Variants in VPS13B observed in about 807,000 individuals in gnomAD.
VPS13B encodes intermembrane lipid transfer protein VPS13B.
Under a neutral mutation model 426.4 loss-of-function variants are expected in VPS13B, and 285 were observed. The ratio of observed to expected loss-of-function variants is 0.67; its 90% CI spans 0.61 to 0.74. The LOEUF is 0.74. Ranked by LOEUF, VPS13B falls within the 30% of genes least tolerant of loss-of-function variation. VPS13B has a pLI of 0.00. For synonymous variants in VPS13B, 1,676 were observed against 1,676.4 expected (o/e 1.00, Z 0.01); for missense variants, 4,537 against 4,782.6 (o/e 0.95, Z 1.51).
intron 16 of VPS13B, among the ~76,000 whole-genome samples, chr8:99,172,016 T>C (rs1366572519): frequency 6.6e-6 from 1 of 152,178 alleles, no homozygotes; most frequent in Non-Finnish European, 1.5e-5. Context: ...CATGTATCTA[T>C]CACTGCATAC....
intron 23 of VPS13B, among the ~76,000 whole-genome samples, chr8:99,458,709 A>G (rs1818657318): frequency 1.3e-5 from 2 of 152,278 alleles, no homozygotes; most frequent in South Asian, 4.1e-4. Flanking sequence ...TGGCTGCATA[A>G]ATGTCTTCTT....
chr8:99,034,891 G>A (rs1251165814), intron 2 of VPS13B, among the ~76,000 whole-genome samples: 7 of 152,080 alleles, frequency 4.6e-5, no homozygotes, highest in Non-Finnish European at 7.4e-5. Context: ...TAACAAACAT[G>A]TGACATAAAA....
intron 35 of VPS13B, among the ~76,000 whole-genome samples, chr8:99,692,401 G>A (rs1264551621): frequency 2.7e-4 from 38 of 139,188 alleles, no homozygotes; most frequent in African/African-American, 7.3e-4. Context: ...ACTCAAAGCC[G>A]CTCAACTACA....
At chr8:99,733,379 T>C (rs896008) in intron 39 of VPS13B, among the ~76,000 whole-genome samples, 2,967 of 152,314 alleles carry the variant, frequency 0.019, 104 homozygotes, top group African/African-American at 0.068. Context: ...GCAAGTTATG[T>C]AAAGTAACTT....
rs780314338 is a variant in VPS13B at position 99,641,874 on chromosome 8, C to T, written c.5284C>T (p.Arg1762Cys). The change falls in exon 34 of 62, where the codon CGC (arginine) becomes TGC (cysteine). Residue 1762 changes from arginine (R) to cysteine (C), a missense_variant. Physicochemically the swap from Arg to Cys is radical, Grantham distance 180 (BLOSUM62 -3). Coordinates refer to ENST00000357162, the MANE Select transcript of VPS13B (RefSeq NM_152564.5). Reference protein sequence around the residue: ...FDGGMAETSSRYSGAQDSGIG... With the variant: ...FDGGMAETSSCYSGAQDSGIG... ...TGGAGGCATGGCTGAAACCTCATCT[C>T]GCTACAGTGGTGCTCAGGATAGTGG... The T allele has an allele frequency of 9.9e-6, 16 of 1,613,874 alleles. No individual in the cohort carries two copies. The South Asian group carries it at 1.2e-4, about 12-fold the overall frequency.
rs563843501 is a variant in VPS13B, at chr8:99,700,352, A to G, written c.6454+420A>G. Among the ~76,000 whole-genome samples the G allele has an allele frequency of 3.3e-5, 5 of 152,342 alleles. No homozygotes were observed. In the South Asian group the frequency reaches 1.0e-3, roughly 32 times the overall value. The stretch of plus-strand genomic sequence containing the variant: ...TCTCAGACCCCACCCATGACCTACT[A>G]AATGCAAAACTCTGGGCATGGAGCC... On this transcript the variant is annotated intron_variant, in intron 36 of 61. Coordinates refer to ENST00000357162, the MANE Select transcript of VPS13B (RefSeq NM_152564.5).
intron 8 of VPS13B, among the ~76,000 whole-genome samples, chr8:99,122,916 C>T (rs1848013331): frequency 6.6e-6 from 1 of 151,588 alleles, no homozygotes; most frequent in African/African-American, 2.4e-5. Flanking sequence ...AATTCGAGAC[C>T]AGCCTGACCA....
intron 17 of VPS13B, among the ~76,000 whole-genome samples, chr8:99,214,963 A>G (rs1000737708): frequency 4.0e-5 from 6 of 151,038 alleles, no homozygotes; most frequent in Non-Finnish European, 8.9e-5. Flanking sequence ...TGCAATGCCC[A>G]TGTCTCTCTA....
intron 22 of VPS13B, among the ~76,000 whole-genome samples, chr8:99,438,471 A>AC (rs1173534722): frequency 6.6e-6 from 1 of 152,194 alleles, no homozygotes; most frequent in East Asian, 1.9e-4. Flanking sequence ...ACACAGGCCC[A>AC]CATTCTTACT....
chr8:99,727,009 T>C (rs1833379157), intron 39 of VPS13B, among the ~76,000 whole-genome samples: 1 of 152,256 alleles, frequency 6.6e-6, no homozygotes, highest in Admixed American at 6.5e-5. Flanking sequence ...CTGTGCTGGG[T>C]ACTTTACATA....
At chr8:99,197,257 C>T (rs572883807) in intron 17 of VPS13B, among the ~76,000 whole-genome samples, 3 of 150,612 alleles carry the variant, frequency 2.0e-5, no homozygotes, top group African/African-American at 4.8e-5. Flanking sequence ...TCTATGTTCA[C>T]CAGAGATATT....
intron 33 of VPS13B, among the ~76,000 whole-genome samples, chr8:99,592,464 T>G (rs1240428071): frequency 1.3e-5 from 2 of 152,078 alleles, no homozygotes; most frequent in East Asian, 1.9e-4. Context: ...TTATCTACCT[T>G]TGGTCTTTGA....
At chr8:99,744,067 A>G (rs1298300334) in intron 39 of VPS13B, among the ~76,000 whole-genome samples, 2 of 152,216 alleles carry the variant, frequency 1.3e-5, no homozygotes, top group Non-Finnish European at 2.9e-5. Context: ...AATTTTTGCA[A>G]TCTACTCATC....
At chr8:99,052,947 G>C (rs539939834) in intron 3 of VPS13B, among the ~76,000 whole-genome samples, 1 of 151,548 alleles carries the variant, frequency 6.6e-6, no homozygotes, top group African/African-American at 2.4e-5. Flanking sequence ...TCTTGCTAGC[G>C]GTCTATCAAT....
intron 3 of VPS13B, among the ~76,000 whole-genome samples, chr8:99,041,779 C>T (rs182166027): frequency 2.7e-5 from 4 of 149,916 alleles, no homozygotes; most frequent in Middle Eastern, 3.5e-3. Flanking sequence ...CATGAACCCG[C>T]GAGGTGGAGT....
intron 3 of VPS13B, among the ~76,000 whole-genome samples, chr8:99,039,816 C>T (rs912772792): frequency 2.0e-5 from 3 of 151,926 alleles, no homozygotes; most frequent in Non-Finnish European, 4.4e-5. Flanking sequence ...ATTCCAAACA[C>T]GTATTATCCA....
intron 19 of VPS13B, among the ~76,000 whole-genome samples, chr8:99,317,431 GA>G (rs1489833159): frequency 6.6e-6 from 1 of 151,958 alleles, no homozygotes; most frequent in Non-Finnish European, 1.5e-5. Context: ...AAATCACAAG[GA>G]ATTTATAATA....
At chr8:99,406,077 C>T (rs1008789490) in intron 21 of VPS13B, among the ~76,000 whole-genome samples, 7 of 151,984 alleles carry the variant, frequency 4.6e-5, no homozygotes, top group South Asian at 2.1e-4. Flanking sequence ...CATGCCCAGC[C>T]GCTATATACT....
chr8:99,566,278 T>A (rs1317795593), intron 31 of VPS13B, among the ~76,000 whole-genome samples: 2 of 152,198 alleles, frequency 1.3e-5, no homozygotes, highest in Non-Finnish European at 2.9e-5. Context: ...AAATTGTATA[T>A]AATTATCATG....
Sources: allele counts gnomAD v4.1 joint callset (sites outside exome capture counted in the v4.1 genomes callset), GRCh38; gene constraint gnomAD v4.1.1; transcripts MANE v1.5; gene names NCBI Gene and HGNC (gene_info 2026-07-23, HGNC 2026-07-21).